Variants in DPYD observed in about 807,000 individuals in gnomAD.
DPYD encodes dihydropyrimidine dehydrogenase [NADP(+)].
A neutral mutation model predicts 116.2 loss-of-function variants in DPYD; 109 were observed. The observed-to-expected ratio is 0.94, with a 90% CI of 0.80 to 1.10. The LOEUF (loss-of-function observed/expected upper bound fraction) is 1.10, where lower values mean the gene tolerates loss of function less well. Among genes scored for constraint, DPYD ranks in the 50% least tolerant of loss-of-function variants. DPYD has a pLI of 0.00. For synonymous variants in DPYD, 440 were observed against 432.0 expected, an observed-to-expected ratio of 1.02 and a Z score of -0.23; for missense variants, 1,302 against 1,254.5, an observed-to-expected ratio of 1.04 and a Z score of -0.57.
chr1:97,854,808 C>T (rs1670738336), intron 2 of DPYD, among the ~76,000 whole-genome samples: 2 of 152,264 alleles, frequency 1.3e-5, no homozygotes, highest in African/African-American at 4.8e-5. Context: ...TCAGGAGATT[C>T]TTGTGCCCAT....
intron 13 of DPYD, among the ~76,000 whole-genome samples, chr1:97,485,668 T>C (rs928872569): frequency 6.6e-6 from 1 of 152,242 alleles, no homozygotes; most frequent in Non-Finnish European, 1.5e-5. Context: ...TGGTTCATTT[T>C]AAAATACATG....
intron 12 of DPYD, among the ~76,000 whole-genome samples, chr1:97,531,163 T>C (rs980994246): frequency 1.3e-5 from 2 of 152,206 alleles, no homozygotes; most frequent in African/African-American, 4.8e-5. Context: ...ACTGCACTTT[T>C]GGTGTCATAT....
intron 20 of DPYD, among the ~76,000 whole-genome samples, chr1:97,181,720 C>A (rs1025160371): frequency 2.6e-5 from 4 of 152,024 alleles, no homozygotes; most frequent in African/African-American, 9.7e-5. Flanking sequence ...TTCTATCTAC[C>A]CCAATATTAC....
At chr1:97,638,099 T>A (rs1254550573) in intron 8 of DPYD, among the ~76,000 whole-genome samples, 2 of 152,144 alleles carry the variant, frequency 1.3e-5, no homozygotes, top group Non-Finnish European at 2.9e-5. Context: ...CTAGAACTTG[T>A]GTTTCCAATT....
chr1:97,155,365 T>A (rs1181345257), intron 20 of DPYD, among the ~76,000 whole-genome samples: 1 of 152,164 alleles, frequency 6.6e-6, no homozygotes, highest in Non-Finnish European at 1.5e-5. Flanking sequence ...AACCTGTTGT[T>A]CCCTGGATTC....
chr1:97,657,491 C>T (rs1191707171), intron 8 of DPYD, among the ~76,000 whole-genome samples: 1 of 152,090 alleles, frequency 6.6e-6, no homozygotes, highest in Non-Finnish European at 1.5e-5. Flanking sequence ...TTTTTATGGG[C>T]AAATGTAATA....
intron 2 of DPYD, among the ~76,000 whole-genome samples, chr1:97,840,857 C>T (rs543876909): frequency 4.9e-4 from 74 of 152,108 alleles, no homozygotes; most frequent in African/African-American, 1.5e-3. Flanking sequence ...TATATACATA[C>T]GAAGTTTCCA....
chr1:97,192,306 A>G (rs1658430611), intron 20 of DPYD, among the ~76,000 whole-genome samples: 1 of 152,118 alleles, frequency 6.6e-6, no homozygotes. Flanking sequence ...CATTTGAATT[A>G]TTAAATGCTT....
intron 11 of DPYD, among the ~76,000 whole-genome samples, chr1:97,562,236 A>C (rs1652201020): frequency 6.6e-6 from 1 of 152,234 alleles, no homozygotes; most frequent in Admixed American, 6.5e-5. Flanking sequence ...ATAGTTTTAG[A>C]TTCCAAAGTA....
At chr1:97,622,688 G>A (rs1656700995) in intron 8 of DPYD, among the ~76,000 whole-genome samples, 1 of 152,018 alleles carries the variant, frequency 6.6e-6, no homozygotes, top group Non-Finnish European at 1.5e-5. Flanking sequence ...CAGCGATTCT[G>A]TATTGTCTCT....
rs150787370 is a variant in DPYD at position 97,805,391 on chromosome 1, A to G, written c.233+22723T>C. ...AGATTTTAAAGAAAATATAGGGGAA[A>G]AAAGACAGTGGGTTAAATATTTTGC... On this transcript the variant is annotated intron_variant, in intron 3 of 22. Coordinates refer to ENST00000370192, the MANE Select transcript of DPYD (RefSeq NM_000110.4). Among the ~76,000 whole-genome samples the G allele has an allele frequency of 2.2e-3, 327 of 152,008 alleles. 1 individual carries two copies. The highest frequency in any genetic ancestry group is 2.8e-3 in the Non-Finnish European group (190 of 67,842).
chr1:97,471,299 A>G (rs561749872), intron 13 of DPYD, among the ~76,000 whole-genome samples: 2 of 152,086 alleles, frequency 1.3e-5, no homozygotes, highest in Non-Finnish European at 2.9e-5. Context: ...AGGACAGGGA[A>G]TAAAAAAAAC....
At chr1:97,642,813 A>G (rs1395568630) in intron 8 of DPYD, among the ~76,000 whole-genome samples, 1 of 151,338 alleles carries the variant, frequency 6.6e-6, no homozygotes, top group Non-Finnish European at 1.5e-5. Flanking sequence ...GCACACCAGC[A>G]TGGCACATGT....
At chr1:97,850,346 G>A (rs560653303) in intron 2 of DPYD, among the ~76,000 whole-genome samples, 2 of 152,102 alleles carry the variant, frequency 1.3e-5, no homozygotes, top group Admixed American at 1.3e-4. Flanking sequence ...AATTTTCTCT[G>A]TTACTTAACT....
At chr1:97,663,347 T>A (rs942955849) in intron 8 of DPYD, among the ~76,000 whole-genome samples, 13 of 152,186 alleles carry the variant, frequency 8.5e-5, no homozygotes, top group African/African-American at 2.9e-4. Flanking sequence ...AAAAGAAGTG[T>A]TGAAAACATC....
At chr1:97,828,283 T>C in intron 2 of DPYD, 87 bp from the exon 3 acceptor site, 3 of 1,233,272 alleles carry the variant, frequency 2.4e-6, no homozygotes, top group South Asian at 2.5e-5. Context: ...TAATTGATTA[T>C]ATTGATCATG....
At chr1:97,445,892 A>AT (rs1176760834) in intron 14 of DPYD, among the ~76,000 whole-genome samples, 1 of 151,700 alleles carries the variant, frequency 6.6e-6, no homozygotes. Flanking sequence ...TGCCTGACTA[A>AT]TTTTTTGTAT....
rs967170707 is a variant in DPYD at position 97,545,860 on chromosome 1, A to C, written c.1524+3700T>G. ...GCAGCTCCCTTACATTGAAGAGGAC[A>C]ATCTTAGACAGGTTTCTAATCATAA... On this transcript the variant is annotated intron_variant, in intron 12 of 22. Coordinates refer to ENST00000370192, the MANE Select transcript of DPYD (RefSeq NM_000110.4). 4 of 1,084,462 alleles carry C rather than the reference A, an allele frequency of 3.7e-6. 1 individual carries two copies. The South Asian group carries it at 3.7e-5, about 10-fold the overall frequency. The allele number at this position is 1,084,462 out of a possible 1,614,324, so 67.2% of individuals were successfully genotyped here.
chr1:97,300,653 T>G (rs1666808196), intron 18 of DPYD, among the ~76,000 whole-genome samples: 1 of 152,022 alleles, frequency 6.6e-6, no homozygotes, highest in African/African-American at 2.4e-5. Flanking sequence ...TCTCCCTGAT[T>G]TTACACAAAT....
Sources: allele counts gnomAD v4.1 joint callset (sites outside exome capture counted in the v4.1 genomes callset), GRCh38; gene constraint gnomAD v4.1.1; transcripts MANE v1.5; gene names NCBI Gene and HGNC (gene_info 2026-07-23, HGNC 2026-07-21).